Variants in DLGAP1 observed in about 807,000 individuals in gnomAD.
The protein encoded by DLGAP1 is DLG associated protein 1, also known as disks large-associated protein 1.
DLGAP1 carries 11 observed loss-of-function variants against 90.8 expected under a neutral mutation model. That is an observed-to-expected ratio of 0.12 (90% CI 0.08 to 0.20). The LOEUF (loss-of-function observed/expected upper bound fraction) is 0.20, where lower values mean the gene tolerates loss of function less well. Among genes scored for constraint, DLGAP1 ranks in the 10% least tolerant of loss-of-function variants. The pLI is 1.00. For synonymous variants in DLGAP1, 558 were observed against 540.7 expected (o/e 1.03, Z -0.44); for missense variants, 1,050 against 1,333.8 (o/e 0.79, Z 3.31).
At chr18:4,067,561 C>T (rs2075387875) in intron 2 of DLGAP1, among the ~76,000 whole-genome samples, 1 of 151,534 alleles carries the variant, frequency 6.6e-6, no homozygotes, top group Admixed American at 6.6e-5. Context: ...TAACATAACC[C>T]AGGAGAGAAT....
At chr18:4,045,922 G>A (rs1026448652) in intron 2 of DLGAP1, among the ~76,000 whole-genome samples, 1 of 151,440 alleles carries the variant, frequency 6.6e-6, no homozygotes. Context: ...TTATATGTGT[G>A]AGCCACCTTA....
intron 7 of DLGAP1, among the ~76,000 whole-genome samples, chr18:3,621,068 CT>C (rs1462771594): frequency 1.3e-5 from 2 of 152,128 alleles, no homozygotes; most frequent in Non-Finnish European, 2.9e-5. Context: ...TGAACAGGTC[CT>C]TCTGGTAATT....
intron 4 of DLGAP1, among the ~76,000 whole-genome samples, chr18:3,866,779 G>A (rs532815001): frequency 1.3e-4 from 20 of 152,336 alleles, no homozygotes; most frequent in African/African-American, 4.1e-4. Flanking sequence ...AGAGTGGAAA[G>A]GGCAGGGGCT....
chr18:3,626,914 G>T (rs2058318902), intron 7 of DLGAP1, among the ~76,000 whole-genome samples: 1 of 152,052 alleles, frequency 6.6e-6, no homozygotes, highest in African/African-American at 2.4e-5. Flanking sequence ...AAAAAGAAAA[G>T]AAAATATTTG....
intron 4 of DLGAP1, among the ~76,000 whole-genome samples, chr18:3,834,305 CAA>C (rs35630074): frequency 0.016 from 532 of 33,044 alleles, 4 homozygotes; most frequent in East Asian, 0.11. Flanking sequence ...GACTCTGTCT[CAA>C]AAAAAAAAAA....
At chr18:3,573,861 C>T (rs957128998) in intron 8 of DLGAP1, among the ~76,000 whole-genome samples, 6 of 152,266 alleles carry the variant, frequency 3.9e-5, no homozygotes, top group Middle Eastern at 3.4e-3. Flanking sequence ...CCAGCACGCA[C>T]GACTAATTTT....
chr18:3,978,011 G>A (rs1159916481), intron 3 of DLGAP1: 1 of 380,914 alleles, frequency 2.6e-6, no homozygotes, highest in Non-Finnish European at 5.2e-6. Flanking sequence ...AGTAGATGCA[G>A]GGATGATGTT....
At chr18:3,825,248 A>T (rs1006104179) in intron 4 of DLGAP1, among the ~76,000 whole-genome samples, 6 of 152,238 alleles carry the variant, frequency 3.9e-5, no homozygotes, top group African/African-American at 7.2e-5. Context: ...TGGAGTTAAA[A>T]GTTCCACTTC....
intron 2 of DLGAP1, among the ~76,000 whole-genome samples, chr18:4,037,183 G>C (rs976297595): frequency 6.6e-6 from 1 of 152,186 alleles, no homozygotes; most frequent in Non-Finnish European, 1.5e-5. Flanking sequence ...TACTGTCAAT[G>C]CATAAGAAGG....
intron 3 of DLGAP1, among the ~76,000 whole-genome samples, chr18:3,902,307 G>A (rs146425545): frequency 1.3e-5 from 2 of 152,298 alleles, no homozygotes; most frequent in African/African-American, 4.8e-5. Context: ...GCAAATGGAA[G>A]TAATATCGAG....
At chr18:3,674,396 A>C (rs1461052753) in intron 7 of DLGAP1, among the ~76,000 whole-genome samples, 1 of 151,010 alleles carries the variant, frequency 6.6e-6, no homozygotes, top group Non-Finnish European at 1.5e-5. Context: ...CGGTGAGACA[A>C]TCATTTGAGG....
At chr18:4,051,522 C>A (rs185257953) in intron 2 of DLGAP1, among the ~76,000 whole-genome samples, 1 of 152,322 alleles carries the variant, frequency 6.6e-6, no homozygotes, top group East Asian at 1.9e-4. Context: ...AGGGTAACCA[C>A]CCCCATGATT....
chr18:3,919,588 T>C (rs983320484), intron 3 of DLGAP1, among the ~76,000 whole-genome samples: 29 of 152,188 alleles, frequency 1.9e-4, no homozygotes, highest in African/African-American at 6.5e-4. Context: ...TCTTGAGTCA[T>C]GCTATAAACA....
In DLGAP1 at chr18:4,064,905, A is replaced by G. The variant is rs574353839; in HGVS notation, c.-158-59704T>C. ...GAAAACTTCAGGAAAATATCCTTGAAGAACATTGATGCAAAAATCCTCAAC... is the reference window on the plus strand; with the variant it reads ...GAAAACTTCAGGAAAATATCCTTGAGGAACATTGATGCAAAAATCCTCAAC... On this transcript the variant is annotated intron_variant, in intron 2 of 12. Coordinates refer to ENST00000315677, the MANE Select transcript of DLGAP1 (RefSeq NM_004746.4). 7.9e-5 allele frequency among the ~76,000 whole-genome samples: 12 copies of G among 152,236 alleles called. No homozygotes were observed. In the South Asian group the frequency reaches 2.3e-3, roughly 29 times the overall value.
chr18:3,793,322 C>T (rs1242347490), intron 5 of DLGAP1, among the ~76,000 whole-genome samples: 2 of 152,186 alleles, frequency 1.3e-5, no homozygotes, highest in Non-Finnish European at 2.9e-5. Context: ...TGTTCTCACT[C>T]TCACTGTCCC....
chr18:4,280,677 C>T (rs2079527936), intron 1 of DLGAP1: 1 of 152,134 alleles, frequency 6.6e-6, no homozygotes, highest in African/African-American at 2.4e-5. Flanking sequence ...CTGATAAAAA[C>T]AATATGATTT....
At position 3,879,984 on chromosome 18, in the gene DLGAP1, G is replaced by T; in HGVS notation, c.85C>A (p.Arg29Ser). Residue 29 changes from arginine to serine, a missense_variant, in exon 4 of 13, where the codon CGC becomes AGC. Coordinates refer to ENST00000315677, the MANE Select transcript of DLGAP1 (RefSeq NM_004746.4). The surrounding 1 kb of genome is among the most constrained non-coding windows in gnomAD (Gnocchi z 6.6). ...ACDSLSHHSD[R>S]KPYLLSPVEH... is the part of the protein sequence containing the mutation. Reference sequence around the variant, plus strand: ...ACTGGGCTCAGCAGGTAGGGCTTGCGGTCGGAGTGGTGCGACAGCGAGTCA... The same window carrying T: ...ACTGGGCTCAGCAGGTAGGGCTTGCTGTCGGAGTGGTGCGACAGCGAGTCA... 6.2e-7 allele frequency: 1 copy of T among 1,612,014 alleles called. No homozygotes were observed.
Position 4,425,076 on chromosome 18 carries a change from C to T in DLGAP1, c.-267+29930G>A, listed in dbSNP as rs377599744. 2.4e-4 allele frequency among the ~76,000 whole-genome samples: 35 copies of T among 145,058 alleles called. 1 individual carries two copies. Among genetic ancestry groups the T allele is most frequent in the African/African-American group, 7.5e-4 (29 of 38,838 alleles). On this transcript the variant is annotated intron_variant, in intron 1 of 12. Transcript: ENST00000315677. ...TTCCTTGGTGGGGCGGGGGGCGGGG[C>T]GCTAAAATTTGATTTTTATTTTCTT...
chr18:3,858,979 A>G (rs1013805536), intron 4 of DLGAP1, among the ~76,000 whole-genome samples: 10 of 152,222 alleles, frequency 6.6e-5, no homozygotes, highest in African/African-American at 1.9e-4. Flanking sequence ...ACATGAGGTT[A>G]TAAGTATATT....
Sources: gnomAD v4.1 joint callset for allele counts (sites outside exome capture counted in the v4.1 genomes callset) on GRCh38, gnomAD v4.1.1 for gene constraint, Gnocchi (gnomAD v3.1) non-coding constraint, MANE v1.5 for transcripts, NCBI Gene and HGNC (gene_info 2026-07-23, HGNC 2026-07-21) for gene names.